Variants in PSD3 observed in about 807,000 individuals in gnomAD.
PSD3 encodes PH and SEC7 domain-containing protein 3.
Under a neutral mutation model 105.5 loss-of-function variants are expected in PSD3, and 49 were observed. The ratio of observed to expected loss-of-function variants is 0.46; its 90% CI spans 0.37 to 0.59. PSD3 has a LOEUF of 0.59. PSD3 is among the 20% of genes least tolerant of loss of function. The pLI is 0.00. For missense variants in PSD3, 1,561 were observed against 1,263.8 expected (o/e 1.24, Z -3.57); for synonymous variants, 557 against 457.8 (o/e 1.22, Z -2.77).
chr8:18,877,338 C>T (rs541854268), intron 2 of PSD3, among the ~76,000 whole-genome samples: 6 of 152,226 alleles, frequency 3.9e-5, no homozygotes, highest in East Asian at 3.9e-4. Context: ...AATTCATTTT[C>T]GTACATGATG....
intron 1 of PSD3, among the ~76,000 whole-genome samples, chr8:19,047,877 C>T (rs951175071): frequency 2.0e-5 from 3 of 152,058 alleles, no homozygotes; most frequent in African/African-American, 7.2e-5. Context: ...AGTCGGAAGC[C>T]CCTGCTGTCA....
intron 1 of PSD3, among the ~76,000 whole-genome samples, chr8:19,001,298 T>C (rs747673489): frequency 6.6e-6 from 1 of 151,758 alleles, no homozygotes; most frequent in Non-Finnish European, 1.5e-5. Flanking sequence ...TCTCACTATG[T>C]TGCCCAGGCC....
chr8:18,916,846 A>G (rs887090104), intron 2 of PSD3, among the ~76,000 whole-genome samples: 3 of 152,140 alleles, frequency 2.0e-5, no homozygotes, highest in East Asian at 1.9e-4. Context: ...ATAAATCTAT[A>G]TAATTTTTGT....
intron 4 of PSD3, among the ~76,000 whole-genome samples, chr8:18,821,717 A>ACACACACACACACACCCC (rs1554513425): frequency 7.1e-6 from 1 of 141,120 alleles, no homozygotes; most frequent in Non-Finnish European, 1.5e-5. Context: ...ACACACACAC[A>ACACACACACACACACCCC]CCCCAATAAC....
intron 8 of PSD3, among the ~76,000 whole-genome samples, chr8:18,773,686 T>G (rs958812366): frequency 1.3e-5 from 2 of 152,022 alleles, no homozygotes; most frequent in African/African-American, 4.8e-5. Flanking sequence ...AAATCAGGAG[T>G]CCTCCAATTT....
chr8:18,588,041 T>C (rs905855074), intron 12 of PSD3, among the ~76,000 whole-genome samples: 4 of 152,158 alleles, frequency 2.6e-5, no homozygotes. Context: ...TGCTACAACC[T>C]GGCCAAGGGG....
At chr8:18,703,151 G>A (rs946794497) in intron 9 of PSD3, among the ~76,000 whole-genome samples, 56 of 152,262 alleles carry the variant, frequency 3.7e-4, no homozygotes, top group Non-Finnish European at 1.2e-4. Flanking sequence ...ACAAGAAAAA[G>A]AAGGCAACAC....
chr8:18,542,567 C>G (rs990052054), intron 15 of PSD3, among the ~76,000 whole-genome samples: 1 of 152,124 alleles, frequency 6.6e-6, no homozygotes, highest in South Asian at 2.1e-4. Flanking sequence ...TAATTTCAGG[C>G]CACAAAGTAA....
chr8:18,781,316 G>A (rs1808600145), intron 8 of PSD3, among the ~76,000 whole-genome samples: 1 of 152,206 alleles, frequency 6.6e-6, no homozygotes, highest in Admixed American at 6.5e-5. Context: ...TCTGATGCAT[G>A]CATATCCTTT....
At chr8:18,818,054 A>G (rs544572962) in intron 4 of PSD3, among the ~76,000 whole-genome samples, 1 of 152,212 alleles carries the variant, frequency 6.6e-6, no homozygotes, top group East Asian at 1.9e-4. Context: ...CCCCGGTTCA[A>G]GCGATTCTCC....
intron 1 of PSD3, among the ~76,000 whole-genome samples, chr8:18,954,405 A>G (rs59758306): frequency 0.39 from 59,246 of 151,658 alleles, 11,692 homozygotes; most frequent in Non-Finnish European, 0.41. Context: ...GTAGTATGGA[A>G]AAAGTATATC....
At chr8:18,628,743 T>C (rs13269868) in intron 11 of PSD3, among the ~76,000 whole-genome samples, 42,008 of 151,714 alleles carry the variant, frequency 0.28, 6,041 homozygotes, top group Middle Eastern at 0.45. Flanking sequence ...GCAGTACAAT[T>C]TGAAGGTGAA....
chr8:18,693,241 A>G (rs1801069824), intron 9 of PSD3, among the ~76,000 whole-genome samples: 1 of 152,192 alleles, frequency 6.6e-6, no homozygotes, highest in African/African-American at 2.4e-5. Context: ...TACAACAAAC[A>G]AACCCAACAG....
intron 8 of PSD3, among the ~76,000 whole-genome samples, chr8:18,784,242 T>C (rs1401885801): frequency 2.0e-5 from 3 of 152,208 alleles, no homozygotes; most frequent in Admixed American, 6.5e-5. Flanking sequence ...CTAAGCATTA[T>C]TTAATATACG....
intron 11 of PSD3, among the ~76,000 whole-genome samples, chr8:18,623,745 T>C (rs1806290808): frequency 6.6e-6 from 1 of 151,948 alleles, no homozygotes; most frequent in African/African-American, 2.4e-5. Flanking sequence ...AAAAAATATA[T>C]ATTATCAATA....
At chr8:18,727,019 C>A (rs962681635) in intron 9 of PSD3, among the ~76,000 whole-genome samples, 4 of 152,070 alleles carry the variant, frequency 2.6e-5, no homozygotes, top group Non-Finnish European at 4.4e-5. Context: ...CATGACAAAA[C>A]CCCATCTCTA....
intron 9 of PSD3, among the ~76,000 whole-genome samples, chr8:18,671,202 G>A (rs1799763360): frequency 6.6e-6 from 1 of 152,166 alleles, no homozygotes; most frequent in Admixed American, 6.5e-5. Flanking sequence ...GTCCTAGGAA[G>A]TAAGTAGGAT....
At chr8:18,938,021 T>C (rs955596404) in intron 1 of PSD3, among the ~76,000 whole-genome samples, 7 of 152,162 alleles carry the variant, frequency 4.6e-5, no homozygotes, top group Admixed American at 1.3e-4. Context: ...GTTTAGAGAT[T>C]TGCAGGATGA....
rs189538338 is a variant in PSD3, at chr8:18,901,650, T to G, written c.131-28917A>C. ...TTTATAATTTTGCCTGTTTTCATGA[T>G]AGTGATTTTCATCTTTTCACTTCCA... On this transcript the variant is annotated intron_variant, in intron 2 of 15. Transcript: ENST00000327040. 1.1e-4 allele frequency among the ~76,000 whole-genome samples: 16 copies of G among 152,350 alleles called. No individual in the cohort carries two copies. In the East Asian group the frequency reaches 2.3e-3, roughly 22 times the overall value.
Sources: gnomAD v4.1 joint callset for allele counts (sites outside exome capture counted in the v4.1 genomes callset) on GRCh38, gnomAD v4.1.1 for gene constraint, MANE v1.5 for transcripts, NCBI Gene and HGNC (gene_info 2026-07-23, HGNC 2026-07-21) for gene names.